Variants in DNAJB14 observed in about 807,000 individuals in gnomAD.
DNAJB14 encodes the protein DnaJ heat shock protein family (Hsp40) member B14, also known as dnaJ homolog subfamily B member 14.
A neutral mutation model predicts 48.4 loss-of-function variants in DNAJB14; 22 were observed. The observed-to-expected ratio is 0.45, with a 90% CI of 0.32 to 0.65. DNAJB14 has a LOEUF of 0.65. Ranked by LOEUF, DNAJB14 falls within the 30% of genes least tolerant of loss-of-function variation. The probability of loss-of-function intolerance (pLI) is 0.03; values close to 1 mark genes in which losing one functional copy is unlikely to be tolerated. For missense variants in DNAJB14, 319 were observed against 458.8 expected (o/e 0.70, Z 2.78); for synonymous variants, 142 against 158.7 (o/e 0.89, Z 0.79).
chr4:99,897,068 T>C lies in DNAJB14; in HGVS notation c.*3960A>G, dbSNP rs1308624479. 4 of 151,956 alleles carry C rather than the reference T, an allele frequency of 2.6e-5. No individual in the cohort carries two copies. The highest frequency in any genetic ancestry group is 3.8e-4 in the East Asian group (2 of 5,196). The allele number at this position is 151,956 out of a possible 1,614,324, so 9.4% of individuals were successfully genotyped here. A position where few individuals can be genotyped will look rare whatever the true frequency, so the allele number is the denominator to read the frequency against. On this transcript the variant is annotated 3_prime_UTR_variant, in exon 8 of 8. Coordinates refer to ENST00000442697, the MANE Select transcript of DNAJB14 (RefSeq NM_001031723.4). ...CAACAAATAATTCACACCAATGAAA[T>C]TGTGTTGACTGATTTTCAAAGTCAG...
Position 99,905,578 on chromosome 4 carries a change from A to G in DNAJB14, c.842+19T>C, listed in dbSNP as rs908693486. The G allele has an allele frequency of 6.3e-7, 1 of 1,581,036 alleles. No individual in the cohort carries two copies. Among genetic ancestry groups the G allele is most frequent in the African/African-American group, 1.4e-5 (1 of 73,900 alleles). On this transcript the variant is annotated intron_variant, in intron 6 of 7. Coordinates refer to ENST00000442697, the MANE Select transcript of DNAJB14 (RefSeq NM_001031723.4). ...ATAGCAACAATTCATTTTTTGTAAA[A>G]CTTCACTTGGCTACTTACGATCTGG...
Position 99,905,624 on chromosome 4 carries a change from T to G in DNAJB14, c.815A>C (p.Asn272Thr), listed in dbSNP as rs776774768. The G allele has an allele frequency of 6.2e-7, 1 of 1,611,494 alleles. No individual in the cohort carries two copies. The highest frequency in any genetic ancestry group is 8.5e-7 in the Non-Finnish European group (1 of 1,179,324). Residue 272 changes from asparagine (N) to threonine (T), a missense_variant, in exon 6 of 8, where the codon AAT becomes ACT. By Grantham distance (65) the Asn-to-Thr change is moderately conservative. Transcript: ENST00000442697. Reference sequence around the variant, plus strand: ...TCTGGGATATAAGGAATAAGGAGGATTAGAGACCATCAACTGGCTTAATAA... The same window carrying G: ...TCTGGGATATAAGGAATAAGGAGGAGTAGAGACCATCAACTGGCTTAATAA... Reference protein sequence around the residue: ...VSLLSQLMVSNPPYSLYPRSG... With the variant: ...VSLLSQLMVSTPPYSLYPRSG...
chr4:99,945,156 C>A (rs368346978), intron 1 of DNAJB14, among the ~76,000 whole-genome samples: 19 of 152,304 alleles, frequency 1.2e-4, no homozygotes, highest in African/African-American at 4.3e-4. Flanking sequence ...ATATACTTCA[C>A]TAATGGACTG....
At chr4:99,901,667 C>T (rs1361115971) in intron 7 of DNAJB14, among the ~76,000 whole-genome samples, 1 of 152,080 alleles carries the variant, frequency 6.6e-6, no homozygotes, top group Non-Finnish European at 1.5e-5. Flanking sequence ...GTTATACGAT[C>T]GTAATATTGC....
intron 1 of DNAJB14, among the ~76,000 whole-genome samples, chr4:99,940,946 T>C (rs771753832): frequency 1.3e-5 from 2 of 150,896 alleles, no homozygotes; most frequent in Non-Finnish European, 3.0e-5. Context: ...CCTATATATA[T>C]ATATATTTTT....
intron 3 of DNAJB14, among the ~76,000 whole-genome samples, chr4:99,920,148 A>T (rs192868910): frequency 2.6e-5 from 4 of 152,354 alleles, no homozygotes; most frequent in Admixed American, 2.0e-4. Context: ...CATTAAATGT[A>T]AAAATGGGAA....
intron 2 of DNAJB14, chr4:99,926,088 G>A (rs1213300100): frequency 2.6e-5 from 4 of 152,238 alleles, no homozygotes; most frequent in South Asian, 2.1e-4. Flanking sequence ...CAACTTCTCC[G>A]GACCCTGACT....
At chr4:99,925,002 G>C in intron 2 of DNAJB14, 1 of 585,434 alleles carries the variant, frequency 1.7e-6, no homozygotes, top group Non-Finnish European at 3.0e-6. Flanking sequence ...GTTATGGACT[G>C]CTGCCCTAGA....
chr4:99,935,487 T>A (rs1335363161), intron 1 of DNAJB14, among the ~76,000 whole-genome samples: 2 of 152,306 alleles, frequency 1.3e-5, no homozygotes, highest in Admixed American at 1.3e-4. Flanking sequence ...GAATCCAAAA[T>A]AATTACATAT....
chr4:99,938,858 A>C (rs1048928852), intron 1 of DNAJB14, among the ~76,000 whole-genome samples: 7 of 152,190 alleles, frequency 4.6e-5, no homozygotes, highest in African/African-American at 1.7e-4. Flanking sequence ...TTTTTGGAGA[A>C]TGAAAAGGAA....
intron 1 of DNAJB14, among the ~76,000 whole-genome samples, chr4:99,941,857 C>T (rs1726900896): frequency 1.3e-5 from 2 of 152,036 alleles, no homozygotes; most frequent in Non-Finnish European, 2.9e-5. Flanking sequence ...AATAATTTGG[C>T]TACTAGCTGA....
intron 1 of DNAJB14, among the ~76,000 whole-genome samples, chr4:99,942,908 G>C (rs955553644): frequency 6.6e-6 from 1 of 152,110 alleles, no homozygotes; most frequent in Non-Finnish European, 1.5e-5. Context: ...ATAAGAATTT[G>C]GTGGTGGACT....
chr4:99,918,863 T>G (rs367916200), intron 3 of DNAJB14, among the ~76,000 whole-genome samples: 44 of 152,330 alleles, frequency 2.9e-4, no homozygotes, highest in African/African-American at 1.0e-3. Flanking sequence ...ATGAGCACCC[T>G]TTTATTGCCA....
At chr4:99,906,415 A>C (rs1725468841) in intron 5 of DNAJB14, 102 bp downstream of exon 5, 6 of 1,183,444 alleles carry the variant, frequency 5.1e-6, no homozygotes, top group Non-Finnish European at 7.3e-6. Context: ...AGTAAGAGAA[A>C]ACTCATTATT....
chr4:99,934,815 A>AAAAAG, intron 1 of DNAJB14, among the ~76,000 whole-genome samples: 1 of 147,308 alleles, frequency 6.8e-6, no homozygotes, highest in South Asian at 2.1e-4. Context: ...AAAAAAAAAA[A>AAAAAG]AAAAGAAAAG....
chr4:99,912,413 CA>C (rs1448949650), intron 3 of DNAJB14, among the ~76,000 whole-genome samples: 2 of 151,688 alleles, frequency 1.3e-5, no homozygotes, highest in African/African-American at 4.8e-5. Flanking sequence ...TTTCTATCTA[CA>C]AAACAAATCC....
intron 1 of DNAJB14, among the ~76,000 whole-genome samples, chr4:99,933,920 A>G (rs1389121768): frequency 6.6e-6 from 1 of 152,206 alleles, no homozygotes; most frequent in African/African-American, 2.4e-5. Context: ...AATAACCAAC[A>G]GGGACTCTCT....
chr4:99,918,860 C>T (rs943291753), intron 3 of DNAJB14, among the ~76,000 whole-genome samples: 1 of 152,172 alleles, frequency 6.6e-6, no homozygotes, highest in African/African-American at 2.4e-5. Flanking sequence ...AGAATGAGCA[C>T]CCTTTTATTG....
chr4:99,944,797 G>C (rs1477887001), intron 1 of DNAJB14, among the ~76,000 whole-genome samples: 1 of 151,934 alleles, frequency 6.6e-6, no homozygotes, highest in African/African-American at 2.4e-5. Flanking sequence ...GGCTGGTCTC[G>C]AACTCCTCAC....
Sources: gnomAD v4.1 joint callset for allele counts (sites outside exome capture counted in the v4.1 genomes callset) on GRCh38, gnomAD v4.1.1 for gene constraint, MANE v1.5 for transcripts, NCBI Gene and HGNC (gene_info 2026-07-23, HGNC 2026-07-21) for gene names.